The following ZNF385D variants were observed in gnomAD, a reference collection of about 807,000 sequenced individuals.
ZNF385D encodes zinc finger protein 659.
A neutral mutation model predicts 35.8 loss-of-function variants in ZNF385D; 15 were observed. That is an observed-to-expected ratio of 0.42 (90% CI 0.28 to 0.64). The LOEUF (loss-of-function observed/expected upper bound fraction) is 0.64. Among genes scored for constraint, ZNF385D ranks in the 30% least tolerant of loss-of-function variants. The pLI is 0.23. For missense variants in ZNF385D, 474 were observed against 494.6 expected, an observed-to-expected ratio of 0.96 and a Z score of 0.39; for synonymous variants, 212 against 186.8, an observed-to-expected ratio of 1.13 and a Z score of -1.10.
At chr3:21,921,446 A>G (rs927710040) in intron 3 of ZNF385D, among the ~76,000 whole-genome samples, 9 of 152,182 alleles carry the variant, frequency 5.9e-5, no homozygotes, top group African/African-American at 1.9e-4. Flanking sequence ...AAGATATGTC[A>G]CATTACTTAA....
chr3:21,753,756 C>A (rs886766972), upstream of ZNF385D, among the ~76,000 whole-genome samples: 10 of 106,948 alleles, frequency 9.4e-5, no homozygotes, highest in African/African-American at 3.5e-4. Context: ...TTAAAAAATG[C>A]AACTTTGGTG....
chr3:21,858,281 G>C (rs889434953), intron 3 of ZNF385D, among the ~76,000 whole-genome samples: 21 of 151,984 alleles, frequency 1.4e-4, no homozygotes, highest in African/African-American at 4.3e-4. Context: ...TGTTAAGGTA[G>C]GGAGGTAGCT....
chr3:21,959,556 T>G (rs1384726767), intron 3 of ZNF385D, among the ~76,000 whole-genome samples: 1 of 152,192 alleles, frequency 6.6e-6, no homozygotes, highest in Non-Finnish European at 1.5e-5. Context: ...GTACTTGCCC[T>G]AACTCCAGTC....
At chr3:21,819,136 C>T (rs9850603) in intron 3 of ZNF385D, among the ~76,000 whole-genome samples, 12,649 of 151,246 alleles carry the variant, frequency 0.084, 588 homozygotes, top group Middle Eastern at 0.1. Context: ...GCTTTAATCA[C>T]TAAAAATAGT....
At chr3:22,011,043 AGACATGATAC>A (rs1339727614) in intron 3 of ZNF385D, among the ~76,000 whole-genome samples, 40 of 152,328 alleles carry the variant, frequency 2.6e-4, no homozygotes, top group African/African-American at 9.6e-4. Context: ...AACTCATTAA[AGACATGATAC>A]ATGGATTTCT....
intron 3 of ZNF385D, among the ~76,000 whole-genome samples, chr3:21,868,618 G>T (rs944759177): frequency 1.3e-5 from 2 of 152,102 alleles, no homozygotes; most frequent in African/African-American, 4.8e-5. Context: ...GTGCTGGTCA[G>T]CTGAGACACT....
chr3:21,927,261 C>A (rs551903204), intron 3 of ZNF385D, among the ~76,000 whole-genome samples: 1 of 149,376 alleles, frequency 6.7e-6, no homozygotes, highest in Non-Finnish European at 1.5e-5. Context: ...GAACCATGAG[C>A]CAAATAAATC....
intron 3 of ZNF385D, among the ~76,000 whole-genome samples, chr3:22,123,960 CTCTA>C (rs1286596387): frequency 0.017 from 1,267 of 72,664 alleles, 9 homozygotes; most frequent in African/African-American, 0.026. Context: ...CTCTCTCTCT[CTCTA>C]TATATATATA....
chr3:21,620,233 G>C (rs1391856885), intron 2 of ZNF385D, among the ~76,000 whole-genome samples: 1 of 152,142 alleles, frequency 6.6e-6, no homozygotes, highest in African/African-American at 2.4e-5. Flanking sequence ...AAAGGATCTA[G>C]GCACTGGTCC....
rs551997131 is a variant in ZNF385D at position 22,348,578 on chromosome 3, T to A, written c.106+23872A>T. On this transcript the variant is annotated intron_variant, in intron 2 of 5. Coordinates refer to the ZNF385D transcript ENST00000494108. The stretch of plus-strand genomic sequence containing the variant: ...ACTCCAGAGTCTGAGGCAGGAGAAT[T>A]GCCTGAACCCCGGGAGGTGGAAGTT... 5.2e-3 allele frequency among the ~76,000 whole-genome samples: 790 copies of A among 150,502 alleles called. 4 individuals carry two copies. Among genetic ancestry groups the A allele is most frequent in the Non-Finnish European group, 8.4e-3 (572 of 67,800 alleles).
intron 2 of ZNF385D, among the ~76,000 whole-genome samples, chr3:22,178,205 T>C (rs551147813): frequency 1.2e-3 from 188 of 152,278 alleles, no homozygotes; most frequent in African/African-American, 4.3e-3. Flanking sequence ...CCACCAACAG[T>C]GTAAAAGTGT....
chr3:22,038,889 T>A (rs115709993), intron 3 of ZNF385D, among the ~76,000 whole-genome samples: 2,598 of 149,784 alleles, frequency 0.017, 79 homozygotes, highest in African/African-American at 0.06. Context: ...TATTTTATTT[T>A]TATTATATAT....
chr3:21,544,657 T>A (rs1043497103), intron 3 of ZNF385D, among the ~76,000 whole-genome samples: 2 of 152,206 alleles, frequency 1.3e-5, no homozygotes, highest in Non-Finnish European at 2.9e-5. Context: ...TGAAATACAA[T>A]CAGAAGGTAT....
intron 3 of ZNF385D, among the ~76,000 whole-genome samples, chr3:21,887,232 G>C (rs1468133540): frequency 1.3e-5 from 2 of 152,118 alleles, no homozygotes. Flanking sequence ...AGATATTTGG[G>C]CTTGTGGATT....
At chr3:22,308,526 G>T (rs1178116337) in intron 2 of ZNF385D, among the ~76,000 whole-genome samples, 1 of 151,924 alleles carries the variant, frequency 6.6e-6, no homozygotes, top group East Asian at 1.9e-4. Flanking sequence ...GAATGAAAAA[G>T]AAAACTTAGT....
At chr3:21,982,691 G>T (rs914984296) in intron 3 of ZNF385D, among the ~76,000 whole-genome samples, 3 of 152,078 alleles carry the variant, frequency 2.0e-5, no homozygotes, top group Non-Finnish European at 2.9e-5. Context: ...GCTAGCTTTT[G>T]CCTATTCAGT....
At chr3:22,153,464 CTTTT>C (rs769926281) in intron 3 of ZNF385D, among the ~76,000 whole-genome samples, 9 of 109,318 alleles carry the variant, frequency 8.2e-5, no homozygotes, top group Admixed American at 9.5e-5. Flanking sequence ...TGAAATTCTT[CTTTT>C]TTTTTTTTTT....
chr3:22,328,634 G>A (rs1014023479), intron 2 of ZNF385D, among the ~76,000 whole-genome samples: 12 of 151,474 alleles, frequency 7.9e-5, no homozygotes, highest in Non-Finnish European at 1.5e-4. Flanking sequence ...ATGGTGGTGT[G>A]CACCTGTAGT....
intron 2 of ZNF385D, among the ~76,000 whole-genome samples, chr3:21,653,719 A>G (rs535943370): frequency 6.6e-6 from 1 of 152,188 alleles, no homozygotes; most frequent in African/African-American, 2.4e-5. Flanking sequence ...CTAAAAATCA[A>G]ATATGTACTT....
Sources: gnomAD v4.1 joint callset for allele counts (sites outside exome capture counted in the v4.1 genomes callset) on GRCh38, gnomAD v4.1.1 for gene constraint, MANE v1.5 for transcripts, NCBI Gene and HGNC (gene_info 2026-07-23, HGNC 2026-07-21) for gene names.